Variants in FPR3 observed in about 807,000 individuals in gnomAD.
FPR3 encodes N-formyl peptide receptor 3.
For missense variants in FPR3, 346 were observed against 443.2 expected, an observed-to-expected ratio of 0.78 and a Z score of 1.97; for synonymous variants, 135 against 163.6, an observed-to-expected ratio of 0.83 and a Z score of 1.34.
At chr19:51,804,221 A>G (rs1308347036) in intron 1 of FPR3, 1 of 152,038 alleles carries the variant, frequency 6.6e-6, no homozygotes, top group East Asian at 1.9e-4. Flanking sequence ...CCCTTGACAC[A>G]GTTTCCAGTT....
At chr19:51,796,484 T>C (rs1017019115) in intron 1 of FPR3, among the ~76,000 whole-genome samples, 2 of 152,118 alleles carry the variant, frequency 1.3e-5, no homozygotes, top group African/African-American at 2.4e-5. Context: ...TTGGTTTCTG[T>C]CTGGAGAATG....
At chr19:51,821,499 A>G (rs2084189300) in intron 1 of FPR3, among the ~76,000 whole-genome samples, 3 of 152,192 alleles carry the variant, frequency 2.0e-5, no homozygotes, top group Admixed American at 6.5e-5. Flanking sequence ...CACAGCCCCA[A>G]TTGTCTGTAG....
intron 1 of FPR3, among the ~76,000 whole-genome samples, chr19:51,796,076 A>G (rs773657254): frequency 6.6e-6 from 1 of 152,358 alleles, no homozygotes; most frequent in Middle Eastern, 3.4e-3. Context: ...GGAGAAAAGT[A>G]TCTGGTGAGA....
rs779820100 is a variant in FPR3 at position 51,824,532 on chromosome 19, A to C, written c.784A>C (p.Ile262Leu). The C allele has an allele frequency of 6.2e-7, 1 of 1,614,096 alleles. No individual in the cohort carries two copies. Among genetic ancestry groups the C allele is most frequent in the Admixed American group, 1.7e-5 (1 of 60,024 alleles). ...TTGGTTCCCTTATGAACTAATTGGC[A>C]TTCTAATGGCAGTCTGGCTCAAAGA... ...ICWFPYELIG[I>L]LMAVWLKEML... Residue 262 changes from isoleucine to leucine, a missense_variant, in exon 2 of 2, where the codon ATT becomes CTT. Transcript: ENST00000339223. The surrounding 1 kb of genome is among the most constrained non-coding windows in gnomAD (Gnocchi z 4.7).
chr19:51,809,754 T>C (rs1168076512), intron 1 of FPR3, among the ~76,000 whole-genome samples: 1 of 152,226 alleles, frequency 6.6e-6, no homozygotes, highest in African/African-American at 2.4e-5. Context: ...TTGATGGGTT[T>C]GTCTGCCCCA....
chr19:51,824,680 A>G lies in FPR3; in HGVS notation c.932A>G (p.Glu311Gly). ...LYVFMGRNFQ[E>G]RLIRSLPTSL... ...GTCTTTATGGGTCGTAACTTCCAAG[A>G]AAGACTGATTCGCTCTTTGCCCACT... Residue 311 changes from glutamate (E) to glycine (G), a missense_variant, in exon 2 of 2, where the codon GAA becomes GGA. Coordinates refer to ENST00000339223, the MANE Select transcript of FPR3 (RefSeq NM_002030.5). The surrounding 1 kb of genome is among the most constrained non-coding windows in gnomAD (Gnocchi z 4.7). 2 of 1,614,114 alleles carry G rather than the reference A, an allele frequency of 1.2e-6. No homozygotes were observed. The highest frequency in any genetic ancestry group is 1.7e-6 in the Non-Finnish European group (2 of 1,180,000).
At chr19:51,808,533 G>A (rs937419244) in intron 1 of FPR3, among the ~76,000 whole-genome samples, 1 of 152,172 alleles carries the variant, frequency 6.6e-6, no homozygotes, top group African/African-American at 2.4e-5. Context: ...CTGACATAGC[G>A]TAAGACTGTT....
chr19:51,819,096 T>C (rs1335879323), intron 1 of FPR3, among the ~76,000 whole-genome samples: 1 of 151,984 alleles, frequency 6.6e-6, no homozygotes, highest in Non-Finnish European at 1.5e-5. Flanking sequence ...GTAAGGAAAA[T>C]GAAAGGTGAG....
chr19:51,797,877 C>CTTT lies in FPR3; in HGVS notation c.-11+2567_-11+2569dup, dbSNP rs753127261. Among the ~76,000 whole-genome samples, 417 of 71,492 alleles carry CTTT rather than the reference C, an allele frequency of 5.8e-3. 32 individuals are homozygous for CTTT. The highest frequency in any genetic ancestry group is 7.6e-3 in the South Asian group (13 of 1,710). 46.9% of individuals were successfully genotyped at this position (71,492 alleles called of 152,430 possible). ...ATCCTAGATGATTTCCATGTCTATT[C>CTTT]TTTTTTTTTTTTTTTTTTTTTTTGA... On this transcript the variant is annotated intron_variant, in intron 1 of 1. Transcript: ENST00000339223.
chr19:51,799,223 T>C (rs561165924), intron 1 of FPR3, among the ~76,000 whole-genome samples: 1 of 152,228 alleles, frequency 6.6e-6, no homozygotes, highest in African/African-American at 2.4e-5. Context: ...GGCCTCCAGA[T>C]GTCTCATGTA....
intron 1 of FPR3, among the ~76,000 whole-genome samples, chr19:51,808,838 A>G (rs7253182): frequency 0.37 from 56,727 of 152,048 alleles, 11,079 homozygotes; most frequent in South Asian, 0.52. Context: ...GAGAATTCCA[A>G]GCTTATGTGT....
chr19:51,797,392 G>T (rs1239887662), intron 1 of FPR3, among the ~76,000 whole-genome samples: 1 of 152,148 alleles, frequency 6.6e-6, no homozygotes, highest in African/African-American at 2.4e-5. Context: ...AAGCTGGAAA[G>T]AAATATGCTT....
intron 1 of FPR3, among the ~76,000 whole-genome samples, chr19:51,816,094 A>G (rs2084134805): frequency 6.6e-6 from 1 of 150,380 alleles, no homozygotes; most frequent in Non-Finnish European, 1.5e-5. Flanking sequence ...TTGAGAAATG[A>G]GATTAGATGA....
intron 1 of FPR3, among the ~76,000 whole-genome samples, chr19:51,823,527 A>C (rs1453781165): frequency 1.3e-5 from 2 of 152,162 alleles, no homozygotes; most frequent in African/African-American, 4.8e-5. Context: ...TCAGCTTGAT[A>C]GGTGGCATGC....
chr19:51,801,161 TTTTAAC>T (rs74546040), intron 1 of FPR3, among the ~76,000 whole-genome samples: 44,726 of 151,638 alleles, frequency 0.29, 7,622 homozygotes, highest in East Asian at 0.49. Flanking sequence ...AGACAGAAAC[TTTTAAC>T]TTTAAGTATT....
chr19:51,801,097 A>G (rs1288884908), intron 1 of FPR3, among the ~76,000 whole-genome samples: 1 of 152,130 alleles, frequency 6.6e-6, no homozygotes, highest in African/African-American at 2.4e-5. Context: ...AAAAGAAAAT[A>G]GAAAAAAATA....
At chr19:51,809,269 TGCTCTG>T (rs1181227421) in intron 1 of FPR3, among the ~76,000 whole-genome samples, 1 of 152,240 alleles carries the variant, frequency 6.6e-6, no homozygotes, top group Non-Finnish European at 1.5e-5. Context: ...AAAATCTCAG[TGCTCTG>T]TTGAACACTT....
At chr19:51,804,208 T>C (rs1418195986) in intron 1 of FPR3, 1 of 151,888 alleles carries the variant, frequency 6.6e-6, no homozygotes, top group Non-Finnish European at 1.5e-5. Flanking sequence ...CAGGGCTCAG[T>C]CACCCTTGAC....
At chr19:51,817,387 T>C (rs1420971545) in intron 1 of FPR3, among the ~76,000 whole-genome samples, 1 of 151,748 alleles carries the variant, frequency 6.6e-6, no homozygotes, top group Non-Finnish European at 1.5e-5. Flanking sequence ...CAAGAAATCA[T>C]AAAGAGAGAG....
Sources: gnomAD v4.1 joint callset for allele counts (sites outside exome capture counted in the v4.1 genomes callset) on GRCh38, gnomAD v4.1.1 for gene constraint, Gnocchi (gnomAD v3.1) non-coding constraint, MANE v1.5 for transcripts, NCBI Gene and HGNC (gene_info 2026-07-23, HGNC 2026-07-21) for gene names.